CRACDL: variants seen among roughly 807,000 people sequenced by gnomAD.
CRACDL encodes CRACD-like protein.
Under a neutral mutation model 70.6 loss-of-function variants are expected in CRACDL, and 26 were observed. That is an observed-to-expected ratio of 0.37 (90% CI 0.27 to 0.51). The LOEUF is 0.51. CRACDL is among the 20% of genes least tolerant of loss of function. CRACDL has a pLI of 0.94. For synonymous variants in CRACDL, 618 were observed against 615.2 expected (o/e 1.00, Z -0.07); for missense variants, 1,283 against 1,376.9 (o/e 0.93, Z 1.08).
At chr2:98,884,781 A>G (rs894560785) in intron 1 of CRACDL, among the ~76,000 whole-genome samples, 1 of 152,210 alleles carries the variant, frequency 6.6e-6, no homozygotes, top group African/African-American at 2.4e-5. Flanking sequence ...GCCAGACACC[A>G]ACCTGCCAAC....
At chr2:98,923,361 TTCATGGGG>T in intron 1 of CRACDL, among the ~76,000 whole-genome samples, 1 of 152,148 alleles carries the variant, frequency 6.6e-6, no homozygotes, top group African/African-American at 2.4e-5. Context: ...TTTTTAAAAA[TTCATGGGG>T]AAAATGGTAC....
At chr2:98,933,135 T>C (rs1709122747) in intron 1 of CRACDL, among the ~76,000 whole-genome samples, 1 of 152,008 alleles carries the variant, frequency 6.6e-6, no homozygotes, top group Admixed American at 6.6e-5. Flanking sequence ...TCTGGGCCAA[T>C]GGAAGAGCCA....
intron 7 of CRACDL, among the ~76,000 whole-genome samples, chr2:98,798,698 C>CA (rs1395909337): frequency 6.9e-6 from 1 of 144,842 alleles, no homozygotes; most frequent in African/African-American, 2.5e-5. Context: ...CTTTTCTTTT[C>CA]TTTTTTTTTT....
In CRACDL at chr2:98,821,342, C is replaced by G. The variant is rs550253612; in HGVS notation, c.2416+515G>C. ...GGGACTACAGGCCCTCATTACCACG[C>G]CTGGCCAGTTTTAAAATTGTTTGTA... is the stretch of plus-strand genomic sequence containing the variant. On this transcript the variant is annotated intron_variant, in intron 7 of 9. Transcript: ENST00000397899. 2.6e-5 allele frequency among the ~76,000 whole-genome samples: 4 copies of G among 152,256 alleles called. No homozygotes were observed. In the South Asian group the frequency reaches 8.3e-4, roughly 32 times the overall value.
intron 9 of CRACDL, among the ~76,000 whole-genome samples, chr2:98,794,922 G>T (rs985238834): frequency 6.6e-6 from 1 of 151,516 alleles, no homozygotes; most frequent in Non-Finnish European, 1.5e-5. Flanking sequence ...AAATAAAATG[G>T]CAGGAGCTCT....
intron 8 of CRACDL, 33 bp downstream of exon 8, chr2:98,797,317 C>T (rs372729853): frequency 4.4e-6 from 7 of 1,605,918 alleles, no homozygotes; most frequent in South Asian, 1.1e-5. Context: ...CTCCCTCCTG[C>T]ACCCACAGAA....
intron 1 of CRACDL, among the ~76,000 whole-genome samples, chr2:98,872,633 C>G (rs1238764149): frequency 6.6e-6 from 1 of 152,118 alleles, no homozygotes; most frequent in Admixed American, 6.5e-5. Flanking sequence ...GAGAATGTAT[C>G]CCCGTCATTT....
intron 1 of CRACDL, among the ~76,000 whole-genome samples, chr2:98,932,908 G>A (rs1709114917): frequency 6.6e-6 from 1 of 152,188 alleles, no homozygotes; most frequent in Non-Finnish European, 1.5e-5. Flanking sequence ...TCTGGGTCTG[G>A]GACATGAACC....
chr2:98,860,887 G>T (rs1260233767), intron 1 of CRACDL, among the ~76,000 whole-genome samples: 4 of 152,178 alleles, frequency 2.6e-5, no homozygotes, highest in African/African-American at 9.7e-5. Flanking sequence ...AACATGGAAA[G>T]AATTCTTATA....
At position 98,800,294 on chromosome 2, in the gene CRACDL, G is replaced by A. The variant is rs142460718; in HGVS notation, c.2417-2757C>T. ...AACACTGGTGAGTGGGAGTAGGGGT[G>A]CCTTCTGGGTTGGGATCTGGAGAAC... On this transcript the variant is annotated intron_variant, in intron 7 of 9. Transcript: ENST00000397899. 9.1e-4 allele frequency among the ~76,000 whole-genome samples: 139 copies of A among 152,362 alleles called. 3 individuals are homozygous for A. Among genetic ancestry groups the A allele is most frequent in the Non-Finnish European group, 9.6e-4 (65 of 68,034 alleles).
At chr2:98,925,673 G>T (rs142149346) in intron 1 of CRACDL, among the ~76,000 whole-genome samples, 6 of 152,130 alleles carry the variant, frequency 3.9e-5, no homozygotes, top group Non-Finnish European at 7.4e-5. Flanking sequence ...TCACTCACCA[G>T]CTATGCAATC....
At chr2:98,878,766 C>T (rs923352882) in intron 1 of CRACDL, among the ~76,000 whole-genome samples, 16 of 152,172 alleles carry the variant, frequency 1.1e-4, no homozygotes, top group South Asian at 6.2e-4. Flanking sequence ...TAGTGGCAAA[C>T]GCATGGCTGA....
Position 98,893,789 on chromosome 2 carries a change from G to C in CRACDL, c.-11+42149C>G, listed in dbSNP as rs570011457. Among the ~76,000 whole-genome samples the C allele has an allele frequency of 3.3e-5, 5 of 152,300 alleles. No homozygotes were observed. The South Asian group carries it at 1.0e-3, about 32-fold the overall frequency. On this transcript the variant is annotated intron_variant, in intron 1 of 9. Coordinates refer to ENST00000397899, the MANE Select transcript of CRACDL (RefSeq NM_207362.3). Reference sequence around the variant, plus strand: ...CGTCTATTTCTGTCCCCCTCATTTTGAACAGGTTGTCTTTTACTGAGGAAA... The same window carrying C: ...CGTCTATTTCTGTCCCCCTCATTTTCAACAGGTTGTCTTTTACTGAGGAAA...
intron 1 of CRACDL, among the ~76,000 whole-genome samples, chr2:98,870,024 G>A (rs1046603190): frequency 3.9e-5 from 6 of 152,102 alleles, no homozygotes; most frequent in Non-Finnish European, 8.8e-5. Context: ...GCCACCCCAC[G>A]TGACACAGCC....
intron 7 of CRACDL, among the ~76,000 whole-genome samples, chr2:98,814,413 T>C (rs566033010): frequency 6.6e-6 from 1 of 152,324 alleles, no homozygotes; most frequent in Non-Finnish European, 1.5e-5. Context: ...CCATGGATTA[T>C]ATAGTGGTGT....
Position 98,822,516 on chromosome 2 carries a change from C to T in CRACDL, c.1757G>A (p.Gly586Asp), listed in dbSNP as rs1705105451. The change falls in exon 7 of 10, where the codon GGC becomes GAC. Residue 586 changes from glycine (G) to aspartate (D), a missense_variant. Around this residue, in one of 2 missense-constraint regions of CRACDL, gnomAD observed 921 missense variants for 881.9 expected, o/e 1.04. Coordinates refer to ENST00000397899, the MANE Select transcript of CRACDL (RefSeq NM_207362.3). This position sits in a 1 kb window ranked among gnomAD's most constrained non-coding sequence, Gnocchi z 4.9. ...VSSCRARPRP[G>D]VSRPLERASG... The stretch of plus-strand genomic sequence containing the variant: ...GGCCCGTTCCAGCGGGCGGGAGACG[C>T]CCGGACGAGGCCGCGCTCGGCACGA... The T allele has an allele frequency of 1.4e-6, 2 of 1,458,670 alleles. No homozygotes were observed. The highest frequency in any genetic ancestry group is 1.3e-5 in the South Asian group (1 of 76,094). 90.4% of individuals were successfully genotyped at this position (1,458,670 alleles called of 1,614,324 possible). A position where few individuals can be genotyped will look rare whatever the true frequency, so the allele number is the denominator to read the frequency against.
intron 1 of CRACDL, chr2:98,868,931 A>G: frequency 5.4e-6 from 2 of 373,652 alleles, no homozygotes; most frequent in South Asian, 4.5e-5. Context: ...AGGAGGTCAC[A>G]AACATTCTAG....
At chr2:98,865,925 T>C (rs894911969) in intron 1 of CRACDL, among the ~76,000 whole-genome samples, 1 of 151,414 alleles carries the variant, frequency 6.6e-6, no homozygotes, top group South Asian at 2.1e-4. Context: ...CTCAGCCTCC[T>C]GGGCAGCTGG....
At chr2:98,826,485 T>C (rs1013267529) in intron 6 of CRACDL, among the ~76,000 whole-genome samples, 1 of 152,210 alleles carries the variant, frequency 6.6e-6, no homozygotes, top group Non-Finnish European at 1.5e-5. Flanking sequence ...GCGAGTGTTC[T>C]GAAGGAAGTG....
Sources: allele counts gnomAD v4.1 joint callset (sites outside exome capture counted in the v4.1 genomes callset), GRCh38; gene constraint gnomAD v4.1.1; regional missense constraint gnomAD v4.1.1; non-coding constraint Gnocchi (gnomAD v3.1); transcripts MANE v1.5; gene names NCBI Gene and HGNC (gene_info 2026-07-23, HGNC 2026-07-21).